The following PLA2G4C variants were observed in gnomAD, a reference collection of about 807,000 sequenced individuals.
The protein encoded by PLA2G4C is phospholipase A2 group IVC.
A neutral mutation model predicts 73.8 loss-of-function variants in PLA2G4C; 64 were observed. The observed-to-expected ratio is 0.87, with a 90% confidence interval of 0.71 to 1.07. The LOEUF (loss-of-function observed/expected upper bound fraction) is 1.07, where lower values mean the gene tolerates loss of function less well. Among genes scored for constraint, PLA2G4C ranks in the 50% least tolerant of loss-of-function variants. The probability of loss-of-function intolerance (pLI) is 0.00; values close to 1 mark genes in which losing one functional copy is unlikely to be tolerated. For missense variants in PLA2G4C, 622 were observed against 665.4 expected, an observed-to-expected ratio of 0.93 and a Z score of 0.72; for synonymous variants, 254 against 252.1, an observed-to-expected ratio of 1.01 and a Z score of -0.07.
At chr19:48,108,343 C>T (rs1044491727) in intron 1 of PLA2G4C, among the ~76,000 whole-genome samples, 4 of 151,914 alleles carry the variant, frequency 2.6e-5, no homozygotes, top group East Asian at 1.9e-4. Context: ...ACTATGTTGC[C>T]CAGGCTGGTC....
chr19:48,101,126 ATTTTTTT>A (rs544287174), intron 4 of PLA2G4C, among the ~76,000 whole-genome samples: 4 of 74,154 alleles, frequency 5.4e-5, no homozygotes, highest in African/African-American at 1.9e-4. Context: ...ATATATATAT[ATTTTTTT>A]TTTTTTTTTT....
intron 10 of PLA2G4C, among the ~76,000 whole-genome samples, chr19:48,084,040 TTGTGTGTG>T (rs71181645): frequency 4.7e-4 from 66 of 139,218 alleles, no homozygotes; most frequent in African/African-American, 8.6e-4. Context: ...AATGCCAATT[TTGTGTGTG>T]TGTGTGTGTG....
intron 3 of PLA2G4C, 108 bp from the exon 4 acceptor site, chr19:48,104,832 C>T: frequency 3.7e-6 from 4 of 1,093,174 alleles, no homozygotes; most frequent in Non-Finnish European, 5.3e-6. Flanking sequence ...CCTGTAATCC[C>T]AGCACATTGG....
intron 14 of PLA2G4C, among the ~76,000 whole-genome samples, chr19:48,056,283 C>T (rs1010777626): frequency 9.9e-5 from 15 of 152,156 alleles, no homozygotes; most frequent in African/African-American, 3.6e-4. Flanking sequence ...CGTGGTGGCT[C>T]ATGTCTGTAA....
intron 10 of PLA2G4C, among the ~76,000 whole-genome samples, chr19:48,079,630 C>T (rs1056092309): frequency 6.6e-6 from 1 of 152,128 alleles, no homozygotes; most frequent in Non-Finnish European, 1.5e-5. Context: ...GCTTAGGCAA[C>T]GAGTTCATGA....
intron 1 of PLA2G4C, 43 bp downstream of exon 1, chr19:48,110,444 G>A (rs11564502): frequency 0.014 from 19,836 of 1,376,922 alleles, 176 homozygotes; most frequent in Non-Finnish European, 0.017. Context: ...GGTTATGGCC[G>A]CCCCAGCGGG....
chr19:48,055,068 G>C lies in PLA2G4C; in HGVS notation c.1258-19C>G, dbSNP rs776505310. On this transcript the variant is annotated intron_variant, in intron 14 of 16. Coordinates refer to ENST00000599921, the MANE Select transcript of PLA2G4C (RefSeq NM_003706.3). ...GGATGGTCTGAGAAGGAGGCAATAA[G>C]AAATGGTTGCAAGACCTCTCCAGAA... The C allele has an allele frequency of 1.4e-4, 228 of 1,580,206 alleles. No individual in the cohort carries two copies. The highest frequency in any genetic ancestry group is 1.8e-4 in the Non-Finnish European group (214 of 1,164,666).
rs1291726536 is a variant in PLA2G4C at position 48,077,687 on chromosome 19, A to C, written c.898+84T>G. 3 of 1,032,932 alleles carry C rather than the reference A, an allele frequency of 2.9e-6. No individual in the cohort carries two copies. The African/African-American group carries it at 4.9e-5, about 17-fold the overall frequency. 64.0% of individuals were successfully genotyped at this position (1,032,932 alleles called of 1,614,324 possible). A position where few individuals can be genotyped will look rare whatever the true frequency, so the allele number is the denominator to read the frequency against. On this transcript the variant is annotated intron_variant, in intron 11 of 16. Coordinates refer to ENST00000599921, the MANE Select transcript of PLA2G4C (RefSeq NM_003706.3). ...GGAGCACCACATGAATCAGACACGT[A>C]AAGTTTTTAGGACAATGGCTGGCTT...
chr19:48,056,524 G>C (rs142335735), intron 14 of PLA2G4C, among the ~76,000 whole-genome samples: 4 of 151,562 alleles, frequency 2.6e-5, no homozygotes, highest in African/African-American at 9.7e-5. Context: ...CTCCAACCTG[G>C]GTGACAAGAG....
chr19:48,110,134 T>G (rs558794970), intron 1 of PLA2G4C, among the ~76,000 whole-genome samples: 15 of 150,750 alleles, frequency 1.0e-4, no homozygotes, highest in African/African-American at 3.4e-4. Flanking sequence ...GATCACGAGT[T>G]CAGGAGTTTG....
intron 14 of PLA2G4C, 33 bp from the exon 15 acceptor site, chr19:48,055,082 ACC>A: frequency 6.4e-7 from 1 of 1,557,468 alleles, no homozygotes; most frequent in Non-Finnish European, 8.7e-7. Flanking sequence ...TGGTTGCAAG[ACC>A]TCTCCAGAAG....
At chr19:48,095,141 G>T (rs1380599081) in intron 7 of PLA2G4C, among the ~76,000 whole-genome samples, 2 of 152,144 alleles carry the variant, frequency 1.3e-5, no homozygotes, top group Admixed American at 1.3e-4. Flanking sequence ...TCCCAGGTCA[G>T]CCTCCCAAAG....
At chr19:48,057,477 CTTCTTCTT>C (rs1967990780) in intron 14 of PLA2G4C, among the ~76,000 whole-genome samples, 1 of 16,884 alleles carries the variant, frequency 5.9e-5, no homozygotes, top group African/African-American at 1.7e-4. Context: ...TCTTCTTCTT[CTTCTTCTT>C]TTTTTTTTTT....
chr19:48,105,082 C>CAAAAAAAAAAAAAAAA (rs3083068), intron 3 of PLA2G4C, among the ~76,000 whole-genome samples: 2 of 87,596 alleles, frequency 2.3e-5, no homozygotes, highest in Non-Finnish European at 4.4e-5. Context: ...GACGTTGTCT[C>CAAAAAAAAAAAAAAAA]AAAAAAAAAA....
At chr19:48,050,261 C>T (rs978303192) in intron 16 of PLA2G4C, among the ~76,000 whole-genome samples, 3 of 152,106 alleles carry the variant, frequency 2.0e-5, no homozygotes, top group Non-Finnish European at 4.4e-5. Context: ...AACTAATATA[C>T]AACCCCTCAT....
intron 16 of PLA2G4C, chr19:48,051,871 ATTTTTTTTTTTTTTTTT>A (rs751616521): frequency 8.4e-6 from 1 of 119,042 alleles, no homozygotes; most frequent in African/African-American, 3.4e-5. Flanking sequence ...TTTCAGCTTA[ATTTTTTTTTTTTTTTTT>A]TTTTTTTTAG....
At chr19:48,085,174 T>C in intron 9 of PLA2G4C, 62 bp from the exon 10 acceptor site, 1 of 1,185,128 alleles carries the variant, frequency 8.4e-7, no homozygotes, top group Non-Finnish European at 1.3e-6. Flanking sequence ...ATGTTTGATA[T>C]TCAAAGCACC....
chr19:48,077,170 G>A (rs893076064), intron 11 of PLA2G4C, among the ~76,000 whole-genome samples: 4 of 152,140 alleles, frequency 2.6e-5, no homozygotes, highest in East Asian at 3.9e-4. Context: ...TATATCTGAC[G>A]ACTATGTACA....
intron 7 of PLA2G4C, among the ~76,000 whole-genome samples, chr19:48,093,042 G>A (rs1489063822): frequency 6.6e-6 from 1 of 152,058 alleles, no homozygotes; most frequent in Admixed American, 6.6e-5. Flanking sequence ...AATGTTATAG[G>A]GAGTACCTGG....
Sources: gnomAD v4.1 joint callset for allele counts (sites outside exome capture counted in the v4.1 genomes callset) on GRCh38, gnomAD v4.1.1 for gene constraint, MANE v1.5 for transcripts, NCBI Gene and HGNC (gene_info 2026-07-23, HGNC 2026-07-21) for gene names.